Variants in TNPO3 observed in about 807,000 individuals in gnomAD.
The protein encoded by TNPO3 is transportin-3.
In TNPO3, 65 loss-of-function variants were observed where a neutral mutation model predicts 122.8. The observed-to-expected ratio is 0.53, with a 90% CI of 0.43 to 0.65. The LOEUF (loss-of-function observed/expected upper bound fraction) is 0.65. Among genes scored for constraint, TNPO3 ranks in the 30% least tolerant of loss-of-function variants. The pLI, the probability that TNPO3 is intolerant of heterozygous loss-of-function variation, is 0.00. For missense variants in TNPO3, 850 were observed against 1,136.7 expected, an observed-to-expected ratio of 0.75 and a Z score of 3.63; for synonymous variants, 372 against 411.2, an observed-to-expected ratio of 0.90 and a Z score of 1.15.
rs762040365 is a variant in TNPO3, at chr7:128,970,208, G to C, written c.2538C>G (p.Pro846=). 1.2e-6 allele frequency: 2 copies of C among 1,614,178 alleles called. No individual in the cohort carries two copies. The highest frequency in any genetic ancestry group is 1.3e-5 in the African/African-American group (1 of 75,042). Residue 846 remains proline, a synonymous_variant, in exon 20 of 23, where the codon CCC becomes CCG. Transcript: ENST00000265388. ...CAGCCACATCTGGTAGGGTATAGGG[G>C]GGGAGGCAAAAGCAGCAGGTGTGCA... is the stretch of plus-strand genomic sequence containing the variant. ...QLLHTCCFCL[P]PYTLPDVAEV...
intron 1 of TNPO3, among the ~76,000 whole-genome samples, chr7:129,034,322 G>C (rs573118949): frequency 6.6e-6 from 1 of 151,800 alleles, no homozygotes; most frequent in Non-Finnish European, 1.5e-5. Flanking sequence ...AGGAGTTCAG[G>C]ACCAGTCTGG....
At chr7:129,012,697 A>G (rs1251606557) in intron 4 of TNPO3, among the ~76,000 whole-genome samples, 3 of 152,256 alleles carry the variant, frequency 2.0e-5, no homozygotes, top group Non-Finnish European at 4.4e-5. Flanking sequence ...AAGCTGGACT[A>G]TAAAGACTTA....
chr7:129,035,491 T>G (rs555626784), intron 1 of TNPO3, among the ~76,000 whole-genome samples: 52 of 152,162 alleles, frequency 3.4e-4, no homozygotes, highest in Admixed American at 8.5e-4. Context: ...TACATGCTTG[T>G]AATGCCAGCT....
rs909784156 is a variant in TNPO3, at chr7:129,030,946, TAAC to T, written c.121-12792_121-12790del. Reference sequence around the variant, plus strand: ...TTTTAAAAGTAAAGTATTTCAAAATTAACAACAACAACAACAAAATTGACAAAG... The same window carrying T: ...TTTTAAAAGTAAAGTATTTCAAAATTAACAACAACAACAAAATTGACAAAG... On this transcript the variant is annotated intron_variant, in intron 1 of 22. Transcript: ENST00000265388. Among the ~76,000 whole-genome samples, 9 of 152,120 alleles carry T rather than the reference TAAC, an allele frequency of 5.9e-5. No individual in the cohort carries two copies. The East Asian group carries it at 7.7e-4, about 13-fold the overall frequency.
At chr7:129,014,849 T>C in intron 4 of TNPO3, 130 bp downstream of exon 4, 1 of 840,676 alleles carries the variant, frequency 1.2e-6, no homozygotes, top group East Asian at 2.8e-5. Flanking sequence ...GGTAAGGTGT[T>C]ACATAAATAC....
At chr7:128,985,843 C>T (rs1800084160) in intron 12 of TNPO3, among the ~76,000 whole-genome samples, 1 of 152,164 alleles carries the variant, frequency 6.6e-6, no homozygotes, top group Non-Finnish European at 1.5e-5. Flanking sequence ...GGTAAGGAAT[C>T]TGGTCATATG....
intron 3 of TNPO3, among the ~76,000 whole-genome samples, chr7:129,016,456 A>T (rs1389465880): frequency 3.9e-5 from 6 of 152,222 alleles, no homozygotes; most frequent in Non-Finnish European, 5.9e-5. Flanking sequence ...ACTATATTGG[A>T]GGTAAAAAGT....
intron 21 of TNPO3, 105 bp downstream of exon 21, chr7:128,967,175 G>A (rs1585322818): frequency 1.3e-6 from 1 of 770,130 alleles, no homozygotes; most frequent in Non-Finnish European, 2.2e-6. Flanking sequence ...TGCAATTCAA[G>A]GTTAAACAAA....
intron 18 of TNPO3, among the ~76,000 whole-genome samples, chr7:128,973,526 G>A (rs1179972354): frequency 1.3e-5 from 2 of 151,496 alleles, no homozygotes; most frequent in Non-Finnish European, 2.9e-5. Context: ...CACGAGGTCA[G>A]GAGATCGAGA....
At chr7:128,975,079 G>A (rs146060918) in intron 17 of TNPO3, 117 bp from the exon 18 acceptor site, 1 of 747,130 alleles carries the variant, frequency 1.3e-6, no homozygotes, top group African/African-American at 1.8e-5. Flanking sequence ...AGCACAGCTG[G>A]GAAAAGAAAA....
At chr7:129,000,620 G>A (rs1801839524) in intron 6 of TNPO3, 53 bp from the exon 7 acceptor site, 1 of 1,516,068 alleles carries the variant, frequency 6.6e-7, no homozygotes, top group South Asian at 1.2e-5. Flanking sequence ...GATATTATAA[G>A]TATATACAGG....
intron 4 of TNPO3, among the ~76,000 whole-genome samples, chr7:129,006,840 T>TG (rs1371975238): frequency 1.3e-5 from 2 of 152,198 alleles, no homozygotes; most frequent in Admixed American, 1.3e-4. Flanking sequence ...GGTTAATGAA[T>TG]GACTGTATAC....
At chr7:129,044,220 G>A (rs573385840) in intron 1 of TNPO3, among the ~76,000 whole-genome samples, 3 of 152,204 alleles carry the variant, frequency 2.0e-5, no homozygotes, top group South Asian at 2.1e-4. Flanking sequence ...GAGCCACTGC[G>A]CCTGGCCTTT....
intron 21 of TNPO3, among the ~76,000 whole-genome samples, chr7:128,961,594 G>C (rs369713001): frequency 1.3e-5 from 2 of 152,130 alleles, no homozygotes; most frequent in East Asian, 3.9e-4. Context: ...ATATTTCTTA[G>C]CTTTCTATTT....
chr7:129,029,034 A>T, intron 1 of TNPO3: 1 of 363,892 alleles, frequency 2.7e-6, no homozygotes, highest in Non-Finnish European at 5.3e-6. Flanking sequence ...GACCTTAGAG[A>T]CATTCTAAAG....
At chr7:129,008,993 C>T (rs1802889724) in intron 4 of TNPO3, among the ~76,000 whole-genome samples, 1 of 152,148 alleles carries the variant, frequency 6.6e-6, no homozygotes, top group African/African-American at 2.4e-5. Context: ...ATCAAACATA[C>T]ATTCTAAAAC....
intron 8 of TNPO3, among the ~76,000 whole-genome samples, chr7:128,995,457 G>A (rs1801205923): frequency 6.6e-6 from 1 of 152,192 alleles, no homozygotes; most frequent in Non-Finnish European, 1.5e-5. Context: ...AAGAAATTAA[G>A]GTGAAGGAAT....
chr7:129,050,890 T>C (rs1808680170), intron 1 of TNPO3, among the ~76,000 whole-genome samples: 1 of 152,122 alleles, frequency 6.6e-6, no homozygotes, highest in Non-Finnish European at 1.5e-5. Flanking sequence ...CATCATGGAA[T>C]CCAAGAATCA....
chr7:129,049,989 TGAG>T lies in TNPO3; in HGVS notation c.120+4659_120+4661del, dbSNP rs1808508042. On this transcript the variant is annotated intron_variant, in intron 1 of 22. Coordinates refer to ENST00000265388, the MANE Select transcript of TNPO3 (RefSeq NM_012470.4). ...CTGTAATTTCAGCTACTCAGGAGAC[TGAG>T]GAGAGAGGATTGCCTGAGACCAAGA... Among the ~76,000 whole-genome samples the T allele has an allele frequency of 2.6e-5, 4 of 152,206 alleles. No homozygotes were observed. In the South Asian group the frequency reaches 8.3e-4, roughly 32 times the overall value.
Sources: allele counts gnomAD v4.1 joint callset (sites outside exome capture counted in the v4.1 genomes callset), GRCh38; gene constraint gnomAD v4.1.1; transcripts MANE v1.5; gene names NCBI Gene and HGNC (gene_info 2026-07-23, HGNC 2026-07-21).